Variants in SMOC1 observed in about 807,000 individuals in gnomAD.
The protein encoded by SMOC1 is SPARC related modular calcium binding 1, also known as SPARC-related modular calcium-binding protein 1.
SMOC1 carries 22 observed loss-of-function variants against 56.3 expected under a neutral mutation model. That is an observed-to-expected ratio of 0.39 (90% CI 0.28 to 0.56). The LOEUF (loss-of-function observed/expected upper bound fraction) is 0.56. Ranked by LOEUF, SMOC1 falls within the 20% of genes least tolerant of loss-of-function variation. The pLI, the probability that SMOC1 is intolerant of heterozygous loss-of-function variation, is 0.61. For missense variants in SMOC1, 509 were observed against 565.4 expected (o/e 0.90, Z 1.01); for synonymous variants, 193 against 215.0 (o/e 0.90, Z 0.89).
chr14:69,971,758 G>C (rs569470272), intron 3 of SMOC1, among the ~76,000 whole-genome samples: 2 of 152,136 alleles, frequency 1.3e-5, no homozygotes, highest in South Asian at 4.1e-4. Context: ...CACCCTGATC[G>C]CTTTTCTGCA....
rs548205701 is a variant in SMOC1, at chr14:69,885,965, C to G, written c.99+6188C>G. The G allele has an allele frequency of 7.6e-6, 12 of 1,588,550 alleles. 1 individual carries two copies. In the East Asian group the frequency reaches 2.5e-4, roughly 33 times the overall value. On this transcript the variant is annotated intron_variant, in intron 1 of 11. Coordinates refer to ENST00000361956, the MANE Select transcript of SMOC1 (RefSeq NM_001034852.3). ...TCTCTGCCGCTGCAACCTGATATAG[C>G]GGGGCCATTTCACAAAGCGGGTGAG...
At chr14:70,016,018 C>T (rs1481660685) in intron 10 of SMOC1, among the ~76,000 whole-genome samples, 2 of 152,214 alleles carry the variant, frequency 1.3e-5, no homozygotes, top group Non-Finnish European at 2.9e-5. Flanking sequence ...GCTCCTGGCA[C>T]TGCCCCCCAG....
chr14:69,952,422 C>T (rs1291740895), intron 2 of SMOC1, 119 bp downstream of exon 2: 1 of 1,166,200 alleles, frequency 8.6e-7, no homozygotes, highest in African/African-American at 1.5e-5. Context: ...GCTTTCCTAT[C>T]TCTCCACCCC....
chr14:69,974,871 C>T (rs1486253292), intron 3 of SMOC1, among the ~76,000 whole-genome samples: 1 of 152,120 alleles, frequency 6.6e-6, no homozygotes, highest in Non-Finnish European at 1.5e-5. Flanking sequence ...TTAATCCCGT[C>T]ATGTGTGCCC....
At chr14:69,901,851 C>G (rs867043193) in intron 1 of SMOC1, among the ~76,000 whole-genome samples, 1 of 152,222 alleles carries the variant, frequency 6.6e-6, no homozygotes, top group African/African-American at 2.4e-5. Flanking sequence ...TTTGGTGGCT[C>G]TTTGCCTTGT....
chr14:69,947,524 A>G (rs963004021), intron 1 of SMOC1, among the ~76,000 whole-genome samples: 7 of 152,034 alleles, frequency 4.6e-5, no homozygotes. Flanking sequence ...TCTAATTTCA[A>G]AATGCAGAAA....
In SMOC1 at chr14:69,957,848, G is replaced by A. The variant is rs1359404348; in HGVS notation, c.378+4316G>A. The stretch of plus-strand genomic sequence containing the variant: ...ATCTTTTCATCCCAGATATTTTTGA[G>A]CTCTGCTATATTGTGGGCTGTGTGC... On this transcript the variant is annotated intron_variant, in intron 3 of 11. Transcript: ENST00000361956. 3.3e-5 allele frequency among the ~76,000 whole-genome samples: 5 copies of A among 152,198 alleles called. No homozygotes were observed. In the East Asian group the frequency reaches 5.8e-4, roughly 18 times the overall value.
At chr14:69,933,750 T>G (rs1387295009) in intron 1 of SMOC1, among the ~76,000 whole-genome samples, 1 of 152,188 alleles carries the variant, frequency 6.6e-6, no homozygotes, top group East Asian at 1.9e-4. Flanking sequence ...ACTCCTGACC[T>G]CAAGTGATCT....
intron 1 of SMOC1, among the ~76,000 whole-genome samples, chr14:69,884,879 G>A (rs144139341): frequency 0.026 from 3,966 of 152,048 alleles, 66 homozygotes; most frequent in Non-Finnish European, 0.032. Context: ...CTCTGGCTTT[G>A]TTCTTGTTAC....
chr14:69,908,531 G>A (rs920986472), intron 1 of SMOC1, among the ~76,000 whole-genome samples: 1 of 152,138 alleles, frequency 6.6e-6, no homozygotes, highest in African/African-American at 2.4e-5. Context: ...GACTCTGGCC[G>A]CAGGACAGCC....
intron 1 of SMOC1, among the ~76,000 whole-genome samples, chr14:69,904,860 G>A (rs1221910487): frequency 6.6e-6 from 1 of 152,184 alleles, no homozygotes. Context: ...TGGTAGCCCA[G>A]ATTTAGCAGC....
At chr14:69,897,023 G>A (rs1884116766) in intron 1 of SMOC1, among the ~76,000 whole-genome samples, 1 of 152,190 alleles carries the variant, frequency 6.6e-6, no homozygotes, top group Non-Finnish European at 1.5e-5. Context: ...GCTGATTGAT[G>A]TGCCCTCCTC....
chr14:69,943,677 C>T (rs1431865295), intron 1 of SMOC1, among the ~76,000 whole-genome samples: 2 of 44,250 alleles, frequency 4.5e-5, no homozygotes, highest in Admixed American at 2.6e-4. Context: ...GAGTGGCTTT[C>T]CCCCCCCTTT....
chr14:69,898,115 C>T (rs368252938), intron 1 of SMOC1, among the ~76,000 whole-genome samples: 1 of 152,164 alleles, frequency 6.6e-6, no homozygotes, highest in African/African-American at 2.4e-5. Context: ...TCTATTCTTC[C>T]TTGCATGGTT....
intron 7 of SMOC1, among the ~76,000 whole-genome samples, chr14:70,004,284 C>T (rs1025209393): frequency 5.3e-5 from 8 of 152,152 alleles, no homozygotes; most frequent in South Asian, 2.1e-4. Flanking sequence ...ATGGACTTTA[C>T]GATGCTTCAT....
rs1885796797 is a variant in SMOC1 at position 70,023,245 on chromosome 14, A to G, written c.1089A>G (p.Val363=). The G allele has an allele frequency of 6.2e-7, 1 of 1,610,748 alleles. No homozygotes were observed. The part of the protein sequence containing the change: ...PDPSHTLEER[V]VHWYFSQLDS... ...CCAGCCACACCCTGGAGGAGCGGGT[A>G]GTGCACTGGTATTTCAGCCAGCTGG... is the stretch of plus-strand genomic sequence containing the variant. The change falls in exon 11 of 12, where the codon GTA becomes GTG. Residue 363 remains valine (V), a synonymous_variant. Coordinates refer to ENST00000361956, the MANE Select transcript of SMOC1 (RefSeq NM_001034852.3).
chr14:70,008,355 G>T (rs1566708816), intron 7 of SMOC1, among the ~76,000 whole-genome samples: 1 of 152,114 alleles, frequency 6.6e-6, no homozygotes, highest in Non-Finnish European at 1.5e-5. Flanking sequence ...ACCCAGGCTG[G>T]TCTCAAACTC....
chr14:69,986,646 G>A (rs1341853675), intron 5 of SMOC1, among the ~76,000 whole-genome samples: 1 of 152,130 alleles, frequency 6.6e-6, no homozygotes, highest in East Asian at 1.9e-4. Context: ...CATTAGCCGA[G>A]TCTTCTGTGT....
chr14:70,008,264 G>A (rs1202105813), intron 7 of SMOC1, among the ~76,000 whole-genome samples: 1 of 151,908 alleles, frequency 6.6e-6, no homozygotes, highest in African/African-American at 2.4e-5. Flanking sequence ...TGGGTAACTG[G>A]GACTACAGGC....
Sources: allele counts gnomAD v4.1 joint callset (sites outside exome capture counted in the v4.1 genomes callset), GRCh38; gene constraint gnomAD v4.1.1; transcripts MANE v1.5; gene names NCBI Gene and HGNC (gene_info 2026-07-23, HGNC 2026-07-21).